The following LINGO2 variants were observed in gnomAD, a reference collection of about 807,000 sequenced individuals.
The protein encoded by LINGO2 is leucine-rich repeat and immunoglobulin-like domain-containing nogo receptor-interacting protein 2.
LINGO2 carries 14 observed loss-of-function variants against 30.6 expected under a neutral mutation model. The ratio of observed to expected loss-of-function variants is 0.46; its 90% CI spans 0.30 to 0.72. LINGO2 has a LOEUF of 0.72. LINGO2 is among the 30% of genes least tolerant of loss of function. The pLI, the probability that LINGO2 is intolerant of heterozygous loss-of-function variation, is 0.07. For missense variants in LINGO2, 729 were observed against 751.7 expected (o/e 0.97, Z 0.35); for synonymous variants, 317 against 288.5 (o/e 1.10, Z -1.00).
chr9:28,704,274 A>C, the LINGO2 span, among the ~76,000 whole-genome samples: 1 of 152,034 alleles, frequency 6.6e-6, no homozygotes. Context: ...AAGATTTCTG[A>C]GGACAAATAA....
intron 4 of LINGO2, among the ~76,000 whole-genome samples, chr9:28,187,580 A>G (rs909050059): frequency 1.3e-5 from 2 of 152,146 alleles, no homozygotes; most frequent in Non-Finnish European, 2.9e-5. Context: ...ATCAATGAAG[A>G]AGAAGACTGT....
chr9:28,203,067 T>G (rs1395285833), intron 4 of LINGO2, among the ~76,000 whole-genome samples: 3 of 152,170 alleles, frequency 2.0e-5, no homozygotes, highest in Non-Finnish European at 4.4e-5. Flanking sequence ...CAGGAAATTA[T>G]TCTTTAAAAT....
the LINGO2 span, among the ~76,000 whole-genome samples, chr9:28,923,072 A>G: frequency 2.0e-5 from 3 of 152,220 alleles, no homozygotes; most frequent in South Asian, 2.1e-4. Context: ...ATGCGGCACT[A>G]GAAACTGAGA....
intron 2 of LINGO2, among the ~76,000 whole-genome samples, chr9:28,424,294 C>A (rs1369309680): frequency 6.6e-6 from 1 of 152,106 alleles, no homozygotes; most frequent in African/African-American, 2.4e-5. Context: ...TTAGGCCTAG[C>A]CTGCAAGAGG....
At chr9:28,086,805 C>G (rs908262585) in intron 4 of LINGO2, among the ~76,000 whole-genome samples, 2 of 152,036 alleles carry the variant, frequency 1.3e-5, no homozygotes, top group Admixed American at 6.6e-5. Flanking sequence ...TCATCCATCT[C>G]AAGGCTATAA....
chr9:28,390,599 G>C (rs1355105214), intron 2 of LINGO2, among the ~76,000 whole-genome samples: 2 of 150,438 alleles, frequency 1.3e-5, no homozygotes, highest in Non-Finnish European at 2.9e-5. Context: ...GAAAACTTCA[G>C]AATGGAGTTT....
chr9:28,840,409 C>T, the LINGO2 span, among the ~76,000 whole-genome samples: 4 of 151,838 alleles, frequency 2.6e-5, no homozygotes, highest in Admixed American at 2.6e-4. Flanking sequence ...CAATGTATAT[C>T]TCTGACTTGT....
intron 4 of LINGO2, among the ~76,000 whole-genome samples, chr9:28,093,905 C>G (rs1826170810): frequency 6.6e-6 from 1 of 151,980 alleles, no homozygotes; most frequent in Non-Finnish European, 1.5e-5. Flanking sequence ...TGACCATGGC[C>G]ACTTTTTAGG....
At chr9:29,110,835 C>CAA in the LINGO2 span, among the ~76,000 whole-genome samples, 1 of 151,808 alleles carries the variant, frequency 6.6e-6, no homozygotes, top group African/African-American at 2.4e-5. Flanking sequence ...GGACTACAGG[C>CAA]GCTCGCCACC....
chr9:29,104,173 A>T, the LINGO2 span, among the ~76,000 whole-genome samples: 1 of 152,168 alleles, frequency 6.6e-6, no homozygotes, highest in African/African-American at 2.4e-5. Flanking sequence ...GAATTACAGT[A>T]AAGATCTGAT....
the LINGO2 span, among the ~76,000 whole-genome samples, chr9:28,876,197 A>C: frequency 3.3e-5 from 5 of 152,062 alleles, no homozygotes; most frequent in Non-Finnish European, 7.4e-5. Flanking sequence ...TATGTCATTT[A>C]TTAAGACCTC....
At chr9:28,156,331 G>A (rs910376233) in intron 4 of LINGO2, among the ~76,000 whole-genome samples, 2 of 152,124 alleles carry the variant, frequency 1.3e-5, no homozygotes, top group African/African-American at 4.8e-5. Context: ...CCATTCTAAG[G>A]AATGGTTTGT....
chr9:28,036,153 A>C (rs1176816195), intron 4 of LINGO2, among the ~76,000 whole-genome samples: 1 of 152,216 alleles, frequency 6.6e-6, no homozygotes, highest in Non-Finnish European at 1.5e-5. Context: ...CCAAACCATC[A>C]CATATTAAGG....
chr9:28,686,345 ATATTAT>A, the LINGO2 span, among the ~76,000 whole-genome samples: 5 of 152,092 alleles, frequency 3.3e-5, no homozygotes. Flanking sequence ...GGTACTGTAC[ATATTAT>A]TGATTAAAGT....
the LINGO2 span, among the ~76,000 whole-genome samples, chr9:28,877,610 T>C: frequency 8.5e-5 from 13 of 152,310 alleles, no homozygotes; most frequent in Non-Finnish European, 1.8e-4. Context: ...CATTGATCTA[T>C]ATCTCTGTTT....
intron 2 of LINGO2, among the ~76,000 whole-genome samples, chr9:28,465,733 G>T (rs548837765): frequency 6.6e-6 from 1 of 152,044 alleles, no homozygotes; most frequent in Non-Finnish European, 1.5e-5. Context: ...TTAATAACCA[G>T]AATATATAAG....
intron 3 of LINGO2, among the ~76,000 whole-genome samples, chr9:28,301,019 G>GT (rs1443340119): frequency 6.6e-6 from 1 of 152,006 alleles, no homozygotes; most frequent in East Asian, 1.9e-4. Context: ...TATACTCTGA[G>GT]TTTTCTATGA....
At chr9:28,716,792 C>A in the LINGO2 span, among the ~76,000 whole-genome samples, 4,107 of 152,044 alleles carry the variant, frequency 0.027, 191 homozygotes, top group African/African-American at 0.094. Context: ...TGTTTGCTAT[C>A]AAACTATATT....
At chr9:28,219,016 A>T (rs1305149673) in intron 4 of LINGO2, among the ~76,000 whole-genome samples, 1 of 152,174 alleles carries the variant, frequency 6.6e-6, no homozygotes, top group East Asian at 1.9e-4. Flanking sequence ...AATTCTAATC[A>T]TTTAGTCCTT....
Sources: allele counts gnomAD v4.1 joint callset (sites outside exome capture counted in the v4.1 genomes callset), GRCh38; gene constraint gnomAD v4.1.1; transcripts MANE v1.5; gene names NCBI Gene and HGNC (gene_info 2026-07-23, HGNC 2026-07-21).